The following UTRN variants were observed in gnomAD, a reference collection of about 807,000 sequenced individuals.
UTRN encodes the protein dystrophin-related protein 1.
UTRN carries 283 observed loss-of-function variants against 463.9 expected under a neutral mutation model. The ratio of observed to expected loss-of-function variants is 0.61; its 90% confidence interval spans 0.55 to 0.67. The LOEUF (loss-of-function observed/expected upper bound fraction) is 0.67, where lower values mean the gene tolerates loss of function less well. Ranked by LOEUF, UTRN falls within the 30% of genes least tolerant of loss-of-function variation. UTRN has a pLI of 0.00. For synonymous variants in UTRN, 1,442 were observed against 1,431.5 expected, an observed-to-expected ratio of 1.01 and a Z score of -0.17; for missense variants, 3,922 against 4,084.3, an observed-to-expected ratio of 0.96 and a Z score of 1.08.
At chr6:144,334,336 G>A (rs1776557320) in intron 2 of UTRN, among the ~76,000 whole-genome samples, 1 of 150,274 alleles carries the variant, frequency 6.7e-6, no homozygotes. Context: ...GGGGTGGTGA[G>A]GCAGGGTGGG....
At chr6:144,356,793 C>G (rs1379001833) in intron 2 of UTRN, among the ~76,000 whole-genome samples, 2 of 151,990 alleles carry the variant, frequency 1.3e-5, no homozygotes, top group African/African-American at 4.8e-5. Flanking sequence ...CCACTGCATT[C>G]TGTCTTGGGC....
At chr6:144,649,668 C>CT (rs1353437957) in intron 51 of UTRN, among the ~76,000 whole-genome samples, 15 of 150,884 alleles carry the variant, frequency 9.9e-5, no homozygotes, top group Non-Finnish European at 1.3e-4. Flanking sequence ...AAGGGAACTT[C>CT]TTTTTTTTTA....
At chr6:144,541,208 T>C (rs968380173) in intron 45 of UTRN, among the ~76,000 whole-genome samples, 3 of 152,228 alleles carry the variant, frequency 2.0e-5, no homozygotes, top group African/African-American at 7.2e-5. Flanking sequence ...AAATGCTTTT[T>C]TGGCTTATGA....
chr6:144,302,342 C>G (rs1325094599), intron 2 of UTRN, among the ~76,000 whole-genome samples: 2 of 151,980 alleles, frequency 1.3e-5, no homozygotes, highest in African/African-American at 4.8e-5. Flanking sequence ...GAAACCTCGT[C>G]TCTACTAAAA....
chr6:144,805,203 T>C (rs1778040013), intron 65 of UTRN, among the ~76,000 whole-genome samples: 1 of 152,118 alleles, frequency 6.6e-6, no homozygotes, highest in Admixed American at 6.5e-5. Flanking sequence ...TAATTTCAGC[T>C]CTGATAGTGT....
intron 51 of UTRN, among the ~76,000 whole-genome samples, chr6:144,674,101 T>TAACC (rs954347119): frequency 9.8e-5 from 15 of 152,290 alleles, no homozygotes; most frequent in Middle Eastern, 6.8e-3. Flanking sequence ...TGGTTTTAGA[T>TAACC]AACCTGATGA....
intron 3 of UTRN, among the ~76,000 whole-genome samples, chr6:144,406,773 T>TAAA (rs1446625349): frequency 2.0e-5 from 3 of 152,198 alleles, no homozygotes; most frequent in African/African-American, 7.2e-5. Context: ...TTCCTTTTTT[T>TAAA]AAAAAACACA....
At chr6:144,558,328 T>A (rs1799567941) in intron 50 of UTRN, among the ~76,000 whole-genome samples, 1 of 152,190 alleles carries the variant, frequency 6.6e-6, no homozygotes, top group Non-Finnish European at 1.5e-5. Flanking sequence ...AAAATAAGAC[T>A]GGGTTAGCAA....
chr6:144,718,923 G>A (rs2328571), intron 53 of UTRN, among the ~76,000 whole-genome samples: 69,858 of 152,056 alleles, frequency 0.46, 21,388 homozygotes, highest in East Asian at 0.87. Context: ...CCGGATCCCT[G>A]AAGGGTCAAA....
intron 53 of UTRN, among the ~76,000 whole-genome samples, chr6:144,727,441 C>T (rs1261577314): frequency 6.6e-6 from 1 of 152,202 alleles, no homozygotes; most frequent in African/African-American, 2.4e-5. Context: ...CTAGCACAGG[C>T]CTTGCACAGC....
At chr6:144,667,042 C>T (rs1043153078) in intron 51 of UTRN, among the ~76,000 whole-genome samples, 3 of 151,148 alleles carry the variant, frequency 2.0e-5, no homozygotes, top group African/African-American at 4.9e-5. Context: ...CCTCCTCCTC[C>T]TCCTCCTTCT....
chr6:144,633,606 G>A (rs1159193030), intron 51 of UTRN, among the ~76,000 whole-genome samples: 1 of 152,146 alleles, frequency 6.6e-6, no homozygotes, highest in Non-Finnish European at 1.5e-5. Flanking sequence ...TTTGTAGTGA[G>A]TACATTATCT....
chr6:144,710,152 C>T (rs1273778117), intron 53 of UTRN, among the ~76,000 whole-genome samples: 3 of 152,300 alleles, frequency 2.0e-5, no homozygotes, highest in Non-Finnish European at 1.5e-5. Flanking sequence ...TAGGTGATGG[C>T]TCTGAGATTT....
intron 2 of UTRN, among the ~76,000 whole-genome samples, chr6:144,336,404 T>C (rs1471029779): frequency 6.6e-6 from 1 of 152,222 alleles, no homozygotes; most frequent in African/African-American, 2.4e-5. Context: ...AGATTGTGAC[T>C]GTAGGTGACC....
intron 41 of UTRN, among the ~76,000 whole-genome samples, chr6:144,524,484 C>A (rs1232065788): frequency 6.6e-6 from 1 of 151,752 alleles, no homozygotes; most frequent in Non-Finnish European, 1.5e-5. Context: ...GATTACATCT[C>A]AATTTTATTT....
intron 46 of UTRN, among the ~76,000 whole-genome samples, chr6:144,545,282 T>G (rs1388094975): frequency 6.6e-6 from 1 of 152,254 alleles, no homozygotes; most frequent in Non-Finnish European, 1.5e-5. Context: ...ATTCCTCTGA[T>G]AGCAGATAGA....
intron 2 of UTRN, among the ~76,000 whole-genome samples, chr6:144,315,925 C>T (rs1355649648): frequency 6.6e-6 from 1 of 152,194 alleles, no homozygotes. Context: ...GTCGCCTCGG[C>T]TCCATTGCTA....
intron 3 of UTRN, among the ~76,000 whole-genome samples, chr6:144,412,734 GTGTA>G (rs755064418): frequency 0.016 from 2,237 of 139,784 alleles, 72 homozygotes; most frequent in East Asian, 0.14. Context: ...GTGTGTGTGT[GTGTA>G]TATATATATA....
chr6:144,850,871 C>T, intron 74 of UTRN, 118 bp from the exon 75 acceptor site: 2 of 1,403,736 alleles, frequency 1.4e-6, no homozygotes, highest in Non-Finnish European at 2.0e-6. Flanking sequence ...AAGCAAAAGT[C>T]ACAGTAGAGT....
Sources: allele counts gnomAD v4.1 joint callset (sites outside exome capture counted in the v4.1 genomes callset), GRCh38; gene constraint gnomAD v4.1.1; transcripts MANE v1.5; gene names NCBI Gene and HGNC (gene_info 2026-07-23, HGNC 2026-07-21).